Variants in RAI2 observed in about 807,000 individuals in gnomAD.
RAI2 encodes retinoic acid-induced protein 2.
RAI2 carries 5 observed loss-of-function variants against 15.3 expected under a neutral mutation model. The observed-to-expected ratio is 0.33, with a 90% CI of 0.17 to 0.69. The LOEUF is 0.69. Ranked by LOEUF, RAI2 falls within the 30% of genes least tolerant of loss-of-function variation. The pLI is 0.69. For missense variants in RAI2, 424 were observed against 424.7 expected, an observed-to-expected ratio of 1.00 and a Z score of 0.01; for synonymous variants, 191 against 184.0, an observed-to-expected ratio of 1.04 and a Z score of -0.31.
intron 1 of RAI2, among the ~76,000 whole-genome samples, chrX:17,814,241 T>C (rs1748662612): frequency 9.5e-6 from 1 of 105,632 alleles, no homozygotes; most frequent in Non-Finnish European, 1.9e-5. Context: ...GGCTGTTTAT[T>C]CACCCGCCCC....
chrX:17,815,486 C>T (rs1243903875), intron 1 of RAI2, among the ~76,000 whole-genome samples: 2 of 111,569 alleles, frequency 1.8e-5, no homozygotes, highest in African/African-American at 6.5e-5. Flanking sequence ...GAATTCCAGT[C>T]ATCAAATCTT....
chrX:17,801,122 T>C lies in RAI2; in HGVS notation c.889A>G (p.Lys297Glu), dbSNP rs1269903502. 1.9e-5 allele frequency: 23 copies of C among 1,209,465 alleles called. No individual in the cohort carries two copies. The highest frequency in any genetic ancestry group is 2.6e-5 in the Non-Finnish European group (23 of 895,075). Residue 297 changes from lysine (K) to glutamate (E), a missense_variant, in exon 2 of 2, where the codon AAG becomes GAG. Transcript: ENST00000451717. ...ELKPFDILQP[K>E]EYFQLSRHTV... Reference sequence around the variant, plus strand: ...TGGCGGCTGAGCTGGAAGTACTCCTTAGGCTGGAGGATGTCAAAGGGCTTC... The same window carrying C: ...TGGCGGCTGAGCTGGAAGTACTCCTCAGGCTGGAGGATGTCAAAGGGCTTC...
At chrX:17,829,442 T>C (rs750694229) in intron 1 of RAI2, among the ~76,000 whole-genome samples, 2 of 110,781 alleles carry the variant, frequency 1.8e-5, no homozygotes, top group South Asian at 3.9e-4. Flanking sequence ...CCCAACCTCA[T>C]GCATCTAATG....
At chrX:17,844,557 G>A (rs2067435078) in intron 1 of RAI2, among the ~76,000 whole-genome samples, 1 of 112,671 alleles carries the variant, frequency 8.9e-6, no homozygotes, top group African/African-American at 3.2e-5. Context: ...ACCCAGCTTG[G>A]AAACTTCCTG....
intron 1 of RAI2, among the ~76,000 whole-genome samples, chrX:17,839,805 A>G (rs184207745): frequency 8.9e-6 from 1 of 112,848 alleles, no homozygotes; most frequent in East Asian, 2.8e-4. Context: ...TATTACACCA[A>G]ATATTACCCA....
chrX:17,819,338 A>T (rs773446716), intron 1 of RAI2, among the ~76,000 whole-genome samples: 3 of 112,581 alleles, frequency 2.7e-5, no homozygotes, highest in Non-Finnish European at 3.8e-5. Context: ...TTAAAAGACT[A>T]GAAACACCAA....
At chrX:17,819,591 T>C (rs992169820) in intron 1 of RAI2, among the ~76,000 whole-genome samples, 1 of 112,630 alleles carries the variant, frequency 8.9e-6, no homozygotes, top group Non-Finnish European at 1.9e-5. Context: ...ACCTAAATGT[T>C]GGTCAACAGG....
intron 1 of RAI2, among the ~76,000 whole-genome samples, chrX:17,824,937 T>C (rs1171221939): frequency 8.9e-6 from 1 of 112,147 alleles, no homozygotes; most frequent in Non-Finnish European, 1.9e-5. Flanking sequence ...ATTATAATGG[T>C]GGGGCTTTGA....
At chrX:17,836,354 C>G in intron 1 of RAI2, among the ~76,000 whole-genome samples, 1 of 112,068 alleles carries the variant, frequency 8.9e-6, no homozygotes, top group Non-Finnish European at 1.9e-5. Flanking sequence ...GTAGCCTAGC[C>G]AACCCTAATG....
At chrX:17,842,912 G>A (rs576887288) in intron 1 of RAI2, among the ~76,000 whole-genome samples, 88 of 111,692 alleles carry the variant, frequency 7.9e-4, no homozygotes, top group South Asian at 3.8e-3. Context: ...GCACGTAGGC[G>A]GTGACCAGCA....
chrX:17,828,804 C>CCCTGAGCT (rs1240324017), intron 1 of RAI2, among the ~76,000 whole-genome samples: 3 of 111,304 alleles, frequency 2.7e-5, no homozygotes, highest in African/African-American at 9.8e-5. Flanking sequence ...CTGGCTCTGT[C>CCCTGAGCT]CCTGAGCTCT....
At chrX:17,839,407 A>G (rs1337944826) in intron 1 of RAI2, among the ~76,000 whole-genome samples, 1 of 112,430 alleles carries the variant, frequency 8.9e-6, no homozygotes, top group African/African-American at 3.2e-5. Context: ...AGGGGAATGC[A>G]GAGAAACCAG....
At chrX:17,854,236 A>T (rs2067570897) in intron 1 of RAI2, among the ~76,000 whole-genome samples, 1 of 112,170 alleles carries the variant, frequency 8.9e-6, no homozygotes, top group South Asian at 3.7e-4. Flanking sequence ...AACTAGGATG[A>T]TGAATCACAT....
intron 1 of RAI2, among the ~76,000 whole-genome samples, chrX:17,827,230 G>A (rs933996400): frequency 9.0e-6 from 1 of 111,724 alleles, no homozygotes; most frequent in Admixed American, 9.4e-5. Context: ...CAGAGAGGGA[G>A]GGAGTAAACT....
intron 1 of RAI2, chrX:17,837,768 T>C (rs1395783843): frequency 8.9e-6 from 1 of 112,324 alleles, no homozygotes; most frequent in African/African-American, 3.2e-5. Flanking sequence ...ATTGTTGTTG[T>C]TTGATTTTTG....
intron 1 of RAI2, among the ~76,000 whole-genome samples, chrX:17,806,076 T>C (rs966575108): frequency 2.7e-5 from 3 of 112,008 alleles, no homozygotes; most frequent in African/African-American, 9.8e-5. Context: ...CAGGGGCTAA[T>C]ACTGGAAGCC....
chrX:17,816,463 G>A (rs2067109191), intron 1 of RAI2, among the ~76,000 whole-genome samples: 1 of 112,317 alleles, frequency 8.9e-6, no homozygotes, highest in Non-Finnish European at 1.9e-5. Flanking sequence ...GAAGGAAGAA[G>A]TAGAGATGTC....
chrX:17,850,466 C>T (rs1164611449), intron 1 of RAI2, among the ~76,000 whole-genome samples: 1 of 112,584 alleles, frequency 8.9e-6, no homozygotes, highest in Non-Finnish European at 1.9e-5. Flanking sequence ...CACGCTTGTG[C>T]GTTCATGTTC....
chrX:17,815,253 T>A (rs765560633), intron 1 of RAI2, among the ~76,000 whole-genome samples: 109 of 110,815 alleles, frequency 9.8e-4, no homozygotes, highest in Middle Eastern at 4.6e-3. Flanking sequence ...CGATTATAGG[T>A]ATTATTTCCT....
Sources: gnomAD v4.1 joint callset for allele counts (sites outside exome capture counted in the v4.1 genomes callset) on GRCh38, gnomAD v4.1.1 for gene constraint, MANE v1.5 for transcripts, NCBI Gene and HGNC (gene_info 2026-07-23, HGNC 2026-07-21) for gene names.